Variants in BCKDHB observed in about 807,000 individuals in gnomAD.
The protein encoded by BCKDHB is 2-oxoisovalerate dehydrogenase subunit beta, mitochondrial.
In BCKDHB, 41 loss-of-function variants were observed where a neutral mutation model predicts 48.5. The observed-to-expected ratio is 0.85, with a 90% CI of 0.66 to 1.10. The LOEUF is 1.10. BCKDHB is among the 50% of genes least tolerant of loss of function. The probability of loss-of-function intolerance (pLI) is 0.00; values close to 1 mark genes in which losing one functional copy is unlikely to be tolerated. For missense variants in BCKDHB, 496 were observed against 494.2 expected (o/e 1.00, Z -0.03); for synonymous variants, 201 against 174.8 (o/e 1.15, Z -1.18).
intron 3 of BCKDHB, among the ~76,000 whole-genome samples, chr6:80,149,885 G>T (rs1241762217): frequency 1.3e-5 from 2 of 150,812 alleles, no homozygotes; most frequent in Admixed American, 6.6e-5. Flanking sequence ...GCTAAATGAC[G>T]AGTTAATGGG....
intron 9 of BCKDHB, among the ~76,000 whole-genome samples, chr6:80,287,542 C>T (rs1766685586): frequency 6.6e-6 from 1 of 151,742 alleles, no homozygotes; most frequent in South Asian, 2.1e-4. Flanking sequence ...TCTTGTCTCC[C>T]AACCAGGAAA....
chr6:80,183,099 ACGCTTGTGTTCT>A (rs1332261335), intron 6 of BCKDHB, among the ~76,000 whole-genome samples: 6 of 152,172 alleles, frequency 3.9e-5, no homozygotes, highest in Admixed American at 3.9e-4. Context: ...GAAGAAAATT[ACGCTTGTGTTCT>A]TTATTGTAAA....
chr6:80,223,067 A>G (rs1775533588), intron 8 of BCKDHB, among the ~76,000 whole-genome samples: 1 of 152,182 alleles, frequency 6.6e-6, no homozygotes, highest in South Asian at 2.1e-4. Context: ...GAAAAGAAAA[A>G]TCTGTTAAAA....
intron 8 of BCKDHB, among the ~76,000 whole-genome samples, chr6:80,259,190 A>C (rs1038887926): frequency 1.3e-5 from 2 of 152,114 alleles, no homozygotes; most frequent in Non-Finnish European, 1.5e-5. Flanking sequence ...GAGAATTTGG[A>C]GATTTGTCTT....
the BCKDHB span, among the ~76,000 whole-genome samples, chr6:80,410,901 G>T: frequency 4.6e-5 from 7 of 152,112 alleles, no homozygotes; most frequent in Non-Finnish European, 8.8e-5. Flanking sequence ...TGCTCCTTTA[G>T]CTTGGAGAAG....
intron 8 of BCKDHB, among the ~76,000 whole-genome samples, chr6:80,235,369 T>C (rs1455569525): frequency 6.6e-6 from 1 of 152,252 alleles, no homozygotes; most frequent in Non-Finnish European, 1.5e-5. Flanking sequence ...TGCTTCTTTT[T>C]ATAACCTCAT....
At chr6:80,337,031 A>AAGT (rs1458229702) in intron 9 of BCKDHB, among the ~76,000 whole-genome samples, 2 of 152,072 alleles carry the variant, frequency 1.3e-5, no homozygotes, top group African/African-American at 2.4e-5. Flanking sequence ...TACATTCGTA[A>AAGT]AGTTCTGTTT....
chr6:80,408,805 A>G, the BCKDHB span, among the ~76,000 whole-genome samples: 228 of 3,032 alleles, frequency 0.075, 1 homozygote, highest in Admixed American at 0.15. Flanking sequence ...TTTTTTTTCA[A>G]AAAAAAAAAC....
chr6:80,135,036 G>A (rs1422648155), intron 3 of BCKDHB, among the ~76,000 whole-genome samples: 1 of 152,140 alleles, frequency 6.6e-6, no homozygotes, highest in Non-Finnish European at 1.5e-5. Flanking sequence ...ATAGGTGTGA[G>A]CCACCACACT....
At chr6:80,205,791 G>GGT (rs3840387) in intron 8 of BCKDHB, among the ~76,000 whole-genome samples, 32,703 of 134,912 alleles carry the variant, frequency 0.24, 3,900 homozygotes, top group Middle Eastern at 0.33. Context: ...CTGTGCCATG[G>GGT]GTGTGTGTGT....
chr6:80,197,076 A>C (rs768542629), intron 6 of BCKDHB, among the ~76,000 whole-genome samples: 71 of 152,146 alleles, frequency 4.7e-4, no homozygotes, highest in Middle Eastern at 3.2e-3. Context: ...TGAAAATAGG[A>C]ATCTGTAATA....
the BCKDHB span, among the ~76,000 whole-genome samples, chr6:80,456,893 C>T: frequency 2.6e-5 from 4 of 152,202 alleles, no homozygotes; most frequent in African/African-American, 9.7e-5. Flanking sequence ...CGTCTTGATC[C>T]TTCTGCCTTC....
At chr6:80,321,617 C>T (rs940479303) in intron 9 of BCKDHB, among the ~76,000 whole-genome samples, 3 of 152,034 alleles carry the variant, frequency 2.0e-5, no homozygotes, top group Admixed American at 1.3e-4. Flanking sequence ...TTTCGTGAAT[C>T]CACTGAAACT....
chr6:80,185,487 T>G (rs868414979), intron 6 of BCKDHB, among the ~76,000 whole-genome samples: 4 of 152,288 alleles, frequency 2.6e-5, no homozygotes, highest in African/African-American at 9.6e-5. Context: ...TTGGGGGTGT[T>G]ACAGAACCTT....
At chr6:80,386,548 G>A in the BCKDHB span, among the ~76,000 whole-genome samples, 1 of 152,166 alleles carries the variant, frequency 6.6e-6, no homozygotes, top group East Asian at 1.9e-4. Context: ...GGTGGGAACT[G>A]TAGTCACTCA....
chr6:80,418,939 G>A, the BCKDHB span, among the ~76,000 whole-genome samples: 1 of 152,214 alleles, frequency 6.6e-6, no homozygotes, highest in Non-Finnish European at 1.5e-5. Flanking sequence ...AGTTGGGTGT[G>A]GCACTGGCAG....
the BCKDHB span, among the ~76,000 whole-genome samples, chr6:80,434,434 C>T: frequency 6.6e-5 from 10 of 151,694 alleles, no homozygotes; most frequent in African/African-American, 2.4e-4. Context: ...AATTTTATCA[C>T]CTCTGTCCTA....
In BCKDHB at chr6:80,141,803, G is replaced by A. The variant is rs541704727; in HGVS notation, c.343+12574G>A. Among the ~76,000 whole-genome samples the A allele has an allele frequency of 2.0e-4, 30 of 152,164 alleles. 1 individual carries two copies. The highest frequency in any genetic ancestry group is 6.0e-4 in the African/African-American group (25 of 41,540). ...TGTATTAGAAAAGTAAAAGATCTTT[G>A]TTTTATATTTTCATTATCAAATATG... On this transcript the variant is annotated intron_variant, in intron 3 of 9. Transcript: ENST00000320393.
chr6:80,323,123 GGAT>G (rs1432619887), intron 9 of BCKDHB, among the ~76,000 whole-genome samples: 1 of 151,828 alleles, frequency 6.6e-6, no homozygotes, highest in Non-Finnish European at 1.5e-5. Context: ...TCTCTGAAGG[GGAT>G]GATGAAGGTT....
Sources: allele counts gnomAD v4.1 joint callset (sites outside exome capture counted in the v4.1 genomes callset), GRCh38; gene constraint gnomAD v4.1.1; transcripts MANE v1.5; gene names NCBI Gene and HGNC (gene_info 2026-07-23, HGNC 2026-07-21).